CHRM2: variants seen among roughly 807,000 people sequenced by gnomAD.
CHRM2 encodes the protein cholinergic receptor muscarinic 2, also known as muscarinic acetylcholine receptor M2.
Under a neutral mutation model 25.0 loss-of-function variants are expected in CHRM2, and 8 were observed. The ratio of observed to expected loss-of-function variants is 0.32; its 90% CI spans 0.19 to 0.58. The LOEUF (loss-of-function observed/expected upper bound fraction) is 0.58, where lower values mean the gene tolerates loss of function less well. Ranked by LOEUF, CHRM2 falls within the 20% of genes least tolerant of loss-of-function variation. The probability of loss-of-function intolerance (pLI) is 0.88; values close to 1 mark genes in which losing one functional copy is unlikely to be tolerated. For missense variants in CHRM2, 440 were observed against 567.1 expected, an observed-to-expected ratio of 0.78 and a Z score of 2.28; for synonymous variants, 202 against 205.7, an observed-to-expected ratio of 0.98 and a Z score of 0.15.
intron 2 of CHRM2, chr7:136,903,356 A>C: frequency 2.5e-6 from 1 of 406,670 alleles, no homozygotes; most frequent in Non-Finnish European, 5.0e-6. Context: ...TCTCCTTCAA[A>C]AGGAAGTCTT....
intron 2 of CHRM2, among the ~76,000 whole-genome samples, chr7:136,970,667 T>C (rs1299358901): frequency 6.6e-6 from 1 of 150,910 alleles, no homozygotes; most frequent in East Asian, 2.0e-4. Flanking sequence ...AGCAATTACT[T>C]TGTGCTAGCA....
intron 3 of CHRM2, among the ~76,000 whole-genome samples, chr7:137,003,099 G>T (rs187221755): frequency 6.6e-6 from 1 of 152,282 alleles, no homozygotes; most frequent in African/African-American, 2.4e-5. Flanking sequence ...GTTCACAGAT[G>T]CATCACAGTT....
In CHRM2 at chr7:136,892,240, T is replaced by C. The variant is rs572997012; in HGVS notation, c.-125+22822T>C. Among the ~76,000 whole-genome samples, 31 of 152,370 alleles carry C rather than the reference T, an allele frequency of 2.0e-4. No homozygotes were observed. In the South Asian group the frequency reaches 6.0e-3, roughly 30 times the overall value. On this transcript the variant is annotated intron_variant, in intron 2 of 3. Transcript: ENST00000680005. ...TGTGCTTCCTTTAATTTATTTAACA[T>C]CAGTTATTTTTCTTGTTTTGCTTGA...
intron 2 of CHRM2, among the ~76,000 whole-genome samples, chr7:136,892,307 A>G (rs947001819): frequency 6.6e-6 from 1 of 152,238 alleles, no homozygotes; most frequent in Non-Finnish European, 1.5e-5. Context: ...AGAAAGAACA[A>G]AATTTATTTT....
At chr7:137,003,482 A>G (rs1408309510) in intron 3 of CHRM2, among the ~76,000 whole-genome samples, 61 of 238 alleles carry the variant, frequency 0.26, 2 homozygotes, top group East Asian at 0.5. Context: ...ATACACACAC[A>G]CACACACACA....
At chr7:136,938,507 G>T in intron 2 of CHRM2, 2 of 998,574 alleles carry the variant, frequency 2.0e-6, no homozygotes, top group African/African-American at 1.6e-5. Context: ...AGGATAAGGG[G>T]GCTCAGCAGG....
At chr7:136,873,247 A>G (rs1377016115) in intron 2 of CHRM2, among the ~76,000 whole-genome samples, 1 of 152,144 alleles carries the variant, frequency 6.6e-6, no homozygotes, top group Non-Finnish European at 1.5e-5. Flanking sequence ...TAAATGGCAT[A>G]AGTATACTGA....
At chr7:136,931,187 C>A (rs7785738) in intron 2 of CHRM2, among the ~76,000 whole-genome samples, 39,365 of 151,930 alleles carry the variant, frequency 0.26, 7,565 homozygotes, top group African/African-American at 0.54. Context: ...CAAAACTATG[C>A]CTTTTTTGAT....
At chr7:136,891,140 G>T in intron 2 of CHRM2, among the ~76,000 whole-genome samples, 1 of 152,146 alleles carries the variant, frequency 6.6e-6, no homozygotes, top group Non-Finnish European at 1.5e-5. Context: ...CTAAGATCTT[G>T]CATTCATATG....
At chr7:137,003,500 A>G (rs867904270) in intron 3 of CHRM2, among the ~76,000 whole-genome samples, 26 of 141,776 alleles carry the variant, frequency 1.8e-4, no homozygotes, top group African/African-American at 6.5e-4. Context: ...ACACACACAC[A>G]CACACACACA....
In CHRM2 at chr7:136,930,898, C is replaced by CAAAAAA. The variant is rs57705639; in HGVS notation, c.-124-61265_-124-61260dup. On this transcript the variant is annotated intron_variant, in intron 2 of 3. Transcript: ENST00000680005. ...GGCTACAGAGCCAGACTCATTCTCTCAAAAAAAAAAAAAAAAAAAAAAAAA... is the reference window on the plus strand; with the variant it reads ...GGCTACAGAGCCAGACTCATTCTCTCAAAAAAAAAAAAAAAAAAAAAAAAAAAAAAA... 4.9e-3 allele frequency among the ~76,000 whole-genome samples: 301 copies of CAAAAAA among 61,062 alleles called. 9 individuals carry two copies. Among genetic ancestry groups the CAAAAAA allele is most frequent in the African/African-American group, 0.012 (291 of 24,946 alleles). 40.1% of individuals were successfully genotyped at this position (61,062 alleles called of 152,430 possible). A position where few individuals can be genotyped will look rare whatever the true frequency, so the allele number is the denominator to read the frequency against.
chr7:136,976,435 GATGT>G (rs1368943375), intron 2 of CHRM2, among the ~76,000 whole-genome samples: 1 of 152,080 alleles, frequency 6.6e-6, no homozygotes, highest in Admixed American at 6.6e-5. Flanking sequence ...AATACTCTAT[GATGT>G]ATGTAATATT....
chr7:136,957,492 T>G (rs1395350734), intron 2 of CHRM2, among the ~76,000 whole-genome samples: 2 of 152,236 alleles, frequency 1.3e-5, no homozygotes, highest in African/African-American at 4.8e-5. Context: ...GACAGTCTAT[T>G]TATTTGCTGT....
At chr7:136,934,496 T>C (rs1799300615) in intron 2 of CHRM2, among the ~76,000 whole-genome samples, 1 of 152,124 alleles carries the variant, frequency 6.6e-6, no homozygotes, top group African/African-American at 2.4e-5. Context: ...CAAAACTGTT[T>C]AGTACTTCCT....
chr7:136,990,152 C>T (rs1803123511), intron 2 of CHRM2, among the ~76,000 whole-genome samples: 1 of 152,130 alleles, frequency 6.6e-6, no homozygotes, highest in African/African-American at 2.4e-5. Context: ...ACATGCACAG[C>T]CTCTACCATT....
At position 136,977,963 on chromosome 7, in the gene CHRM2, A is replaced by C. The variant is rs565847284; in HGVS notation, c.-124-14224A>C. Among the ~76,000 whole-genome samples, 4 of 152,236 alleles carry C rather than the reference A, an allele frequency of 2.6e-5. No individual in the cohort carries two copies. The East Asian group carries it at 7.7e-4, about 29-fold the overall frequency. On this transcript the variant is annotated intron_variant, in intron 2 of 3. Transcript: ENST00000680005. ...TTCATTCTTCTGCATATGGCTAATCAGTTATGGTATTCCCGTACCATTTAC... is the reference window on the plus strand; with the variant it reads ...TTCATTCTTCTGCATATGGCTAATCCGTTATGGTATTCCCGTACCATTTAC...
intron 2 of CHRM2, among the ~76,000 whole-genome samples, chr7:136,912,602 A>G (rs941847733): frequency 1.1e-4 from 16 of 151,872 alleles, no homozygotes; most frequent in Non-Finnish European, 1.6e-4. Context: ...ATCAATGGGT[A>G]GCAGAGCCAC....
chr7:136,950,151 A>C (rs1800321614), intron 2 of CHRM2, among the ~76,000 whole-genome samples: 1 of 152,064 alleles, frequency 6.6e-6, no homozygotes, highest in African/African-American at 2.4e-5. Flanking sequence ...GGTCATAAAT[A>C]TTTTCTCTCC....
At chr7:136,982,811 G>A (rs1337918425) in intron 2 of CHRM2, among the ~76,000 whole-genome samples, 1 of 152,204 alleles carries the variant, frequency 6.6e-6, no homozygotes, top group Non-Finnish European at 1.5e-5. Context: ...AGAGAGATCT[G>A]TTGTTAGTCT....
Sources: allele counts gnomAD v4.1 joint callset (sites outside exome capture counted in the v4.1 genomes callset), GRCh38; gene constraint gnomAD v4.1.1; transcripts MANE v1.5; gene names NCBI Gene and HGNC (gene_info 2026-07-23, HGNC 2026-07-21).